WDR41: variants seen among roughly 807,000 people sequenced by gnomAD.
WDR41 encodes the protein WD repeat-containing protein 41.
Under a neutral mutation model 69.3 loss-of-function variants are expected in WDR41, and 63 were observed. The observed-to-expected ratio is 0.91, with a 90% CI of 0.74 to 1.12. The LOEUF (loss-of-function observed/expected upper bound fraction) is 1.12, where lower values mean the gene tolerates loss of function less well. Ranked by LOEUF, WDR41 falls within the 50% of genes most tolerant of loss-of-function variation. WDR41 has a pLI of 0.00. For synonymous variants in WDR41, 185 were observed against 192.1 expected (o/e 0.96, Z 0.31); for missense variants, 543 against 534.5 (o/e 1.02, Z -0.16).
intron 1 of WDR41, among the ~76,000 whole-genome samples, chr5:77,569,695 T>C (rs2112271496): frequency 6.6e-6 from 1 of 152,324 alleles, no homozygotes; most frequent in East Asian, 1.9e-4. Flanking sequence ...TCAACTGACA[T>C]GGGAATGTAA....
intron 1 of WDR41, among the ~76,000 whole-genome samples, chr5:77,504,654 C>A (rs1802077734): frequency 6.6e-6 from 1 of 152,164 alleles, no homozygotes; most frequent in Non-Finnish European, 1.5e-5. Context: ...AATCCAGCAG[C>A]ACATCAAAAA....
chr5:77,446,447 A>G (rs912152005), intron 8 of WDR41, among the ~76,000 whole-genome samples: 1 of 152,228 alleles, frequency 6.6e-6, no homozygotes, highest in Admixed American at 6.5e-5. Context: ...TATAGAATCA[A>G]AGAAGACCCC....
At chr5:77,555,202 G>A (rs1445768956) in intron 1 of WDR41, among the ~76,000 whole-genome samples, 2 of 152,134 alleles carry the variant, frequency 1.3e-5, no homozygotes, top group Non-Finnish European at 2.9e-5. Flanking sequence ...GTAATACTAT[G>A]CTATTATTTT....
chr5:77,558,974 A>T (rs551021256), intron 1 of WDR41, among the ~76,000 whole-genome samples: 1 of 152,346 alleles, frequency 6.6e-6, no homozygotes, highest in African/African-American at 2.4e-5. Context: ...GTGGGCTAAG[A>T]TTCCTTAGGG....
At chr5:77,612,494 C>A (rs1744581232) in intron 1 of WDR41, among the ~76,000 whole-genome samples, 2 of 152,214 alleles carry the variant, frequency 1.3e-5, no homozygotes, top group African/African-American at 4.8e-5. Context: ...TCAATATATG[C>A]AAATCAATAA....
intron 1 of WDR41, chr5:77,491,141 T>C: frequency 2.5e-6 from 1 of 406,852 alleles, no homozygotes; most frequent in South Asian, 1.7e-5. Flanking sequence ...ACTGATGACA[T>C]TCCACCACAA....
intron 5 of WDR41, among the ~76,000 whole-genome samples, chr5:77,456,255 C>T (rs1561740139): frequency 6.6e-6 from 1 of 152,160 alleles, no homozygotes; most frequent in African/African-American, 2.4e-5. Flanking sequence ...GCAATCCTCC[C>T]ACCTTGGCCT....
intron 1 of WDR41, among the ~76,000 whole-genome samples, chr5:77,529,228 C>T (rs1802489495): frequency 6.6e-6 from 1 of 151,306 alleles, no homozygotes; most frequent in African/African-American, 2.4e-5. Flanking sequence ...CAATTTATTT[C>T]TATATACCAA....
chr5:77,620,396 A>G, intron 1 of WDR41: 1 of 438,362 alleles, frequency 2.3e-6, no homozygotes, highest in Non-Finnish European at 4.6e-6. Context: ...AATAGGGGAA[A>G]AGAATTTGAA....
chr5:77,458,962 T>C, intron 5 of WDR41, 100 bp downstream of exon 5: 2 of 809,542 alleles, frequency 2.5e-6, no homozygotes, highest in Non-Finnish European at 4.0e-6. Flanking sequence ...AAGAAATAAT[T>C]CATAAGACCC....
At chr5:77,447,160 A>G (rs1048262780) in intron 8 of WDR41, among the ~76,000 whole-genome samples, 1 of 152,230 alleles carries the variant, frequency 6.6e-6, no homozygotes. Flanking sequence ...ACATATGAAA[A>G]AAAGCTCAAC....
chr5:77,493,280 A>G (rs979692891), upstream of WDR41, among the ~76,000 whole-genome samples: 12 of 152,352 alleles, frequency 7.9e-5, no homozygotes, highest in African/African-American at 2.6e-4. Flanking sequence ...ATATATTTGC[A>G]TATGTATTAG....
chr5:77,449,916 G>GATAAA, intron 7 of WDR41, 46 bp from the exon 8 acceptor site: 1 of 1,255,384 alleles, frequency 8.0e-7, no homozygotes, highest in Non-Finnish European at 1.2e-6. Context: ...GCTCTAAGAG[G>GATAAA]ATAAAATACT....
intron 4 of WDR41, among the ~76,000 whole-genome samples, chr5:77,462,877 G>C (rs890476766): frequency 6.6e-6 from 1 of 152,152 alleles, no homozygotes; most frequent in African/African-American, 2.4e-5. Flanking sequence ...AACAGCAATA[G>C]TCACGGAGTT....
chr5:77,493,201 G>A (rs1392586673), upstream of WDR41, among the ~76,000 whole-genome samples: 6 of 152,172 alleles, frequency 3.9e-5, no homozygotes, highest in Admixed American at 2.0e-4. Context: ...ATTCTGATGA[G>A]TAGCAAGGTC....
At chr5:77,448,306 A>G (rs1027082237) in intron 8 of WDR41, among the ~76,000 whole-genome samples, 4 of 152,188 alleles carry the variant, frequency 2.6e-5, no homozygotes, top group African/African-American at 9.7e-5. Context: ...GTCTCCATCC[A>G]TGGCTAGAGA....
At chr5:77,437,856 T>C (rs917671408) in intron 10 of WDR41, among the ~76,000 whole-genome samples, 4 of 152,118 alleles carry the variant, frequency 2.6e-5, no homozygotes, top group Non-Finnish European at 4.4e-5. Flanking sequence ...AACCACTCAC[T>C]TAGTAGCCTC....
At chr5:77,536,712 TC>T (rs1199326360) in intron 1 of WDR41, among the ~76,000 whole-genome samples, 1 of 152,032 alleles carries the variant, frequency 6.6e-6, no homozygotes, top group Non-Finnish European at 1.5e-5. Context: ...TTCAGAAGAG[TC>T]ACTTGCTGTA....
chr5:77,514,790 C>T (rs1802269130), intron 1 of WDR41, among the ~76,000 whole-genome samples: 1 of 152,054 alleles, frequency 6.6e-6, no homozygotes, highest in South Asian at 2.1e-4. Flanking sequence ...TAGCATGTTA[C>T]TCTACTGACT....
Sources: gnomAD v4.1 joint callset for allele counts (sites outside exome capture counted in the v4.1 genomes callset) on GRCh38, gnomAD v4.1.1 for gene constraint, MANE v1.5 for transcripts, NCBI Gene and HGNC (gene_info 2026-07-23, HGNC 2026-07-21) for gene names.